The following SENP7 variants were observed in gnomAD, a reference collection of about 807,000 sequenced individuals.
SENP7 encodes the protein sentrin-specific protease 7.
In SENP7, 64 loss-of-function variants were observed where a neutral mutation model predicts 141.2. That is an observed-to-expected ratio of 0.45 (90% confidence interval 0.37 to 0.56). The LOEUF (loss-of-function observed/expected upper bound fraction) is 0.56. Ranked by LOEUF, SENP7 falls within the 20% of genes least tolerant of loss-of-function variation. The pLI is 0.00. For synonymous variants in SENP7, 382 were observed against 426.4 expected (o/e 0.90, Z 1.28); for missense variants, 1,025 against 1,212.2 (o/e 0.85, Z 2.29).
intron 3 of SENP7, among the ~76,000 whole-genome samples, chr3:101,466,622 C>A (rs1033667907): frequency 6.6e-6 from 1 of 152,070 alleles, no homozygotes; most frequent in African/African-American, 2.4e-5. Flanking sequence ...AAGAAACACA[C>A]AAAAGTATAA....
intron 6 of SENP7, among the ~76,000 whole-genome samples, chr3:101,391,955 G>A (rs558357225): frequency 1.3e-5 from 2 of 152,160 alleles, no homozygotes; most frequent in South Asian, 2.1e-4. Flanking sequence ...ATATTAGAAC[G>A]AAGGGCAAAA....
intron 4 of SENP7, among the ~76,000 whole-genome samples, chr3:101,434,031 G>A (rs765384699): frequency 6.6e-6 from 1 of 152,070 alleles, no homozygotes; most frequent in Non-Finnish European, 1.5e-5. Flanking sequence ...CCATATGTTA[G>A]GTCAATAAAC....
intron 6 of SENP7, among the ~76,000 whole-genome samples, chr3:101,381,222 T>C (rs1272505135): frequency 6.6e-6 from 1 of 152,236 alleles, no homozygotes; most frequent in Non-Finnish European, 1.5e-5. Flanking sequence ...AACATTATGT[T>C]TTTTAACTTA....
chr3:101,487,817 A>G (rs985203939), intron 3 of SENP7, among the ~76,000 whole-genome samples: 2 of 151,950 alleles, frequency 1.3e-5, no homozygotes, highest in Admixed American at 6.6e-5. Context: ...CCATTGCTCT[A>G]TGTGTCTGTT....
intron 3 of SENP7, among the ~76,000 whole-genome samples, chr3:101,470,494 C>T (rs1278251215): frequency 1.3e-5 from 2 of 152,114 alleles, no homozygotes; most frequent in African/African-American, 2.4e-5. Flanking sequence ...ATCAATGGAA[C>T]GTATCTCAAA....
At chr3:101,444,055 A>G (rs1440427499) in intron 4 of SENP7, among the ~76,000 whole-genome samples, 1 of 142,046 alleles carries the variant, frequency 7.0e-6, no homozygotes, top group Non-Finnish European at 1.5e-5. Flanking sequence ...GAAAAAAACA[A>G]ACAACCCCAT....
At chr3:101,449,952 T>C (rs1315187009) in intron 4 of SENP7, among the ~76,000 whole-genome samples, 1 of 152,174 alleles carries the variant, frequency 6.6e-6, no homozygotes, top group Non-Finnish European at 1.5e-5. Flanking sequence ...ATCAGTGTGC[T>C]ATATTCAGGA....
chr3:101,450,883 T>G (rs1394297972), intron 4 of SENP7, among the ~76,000 whole-genome samples: 1 of 151,746 alleles, frequency 6.6e-6, no homozygotes, highest in Non-Finnish European at 1.5e-5. Context: ...CTGAAGGAAA[T>G]AGAGACCCAA....
intron 11 of SENP7, chr3:101,358,030 C>A: frequency 3.3e-6 from 2 of 599,112 alleles, no homozygotes; most frequent in South Asian, 3.4e-5. Context: ...TTAAATGTGG[C>A]AAAGCCTTCA....
intron 3 of SENP7, among the ~76,000 whole-genome samples, chr3:101,473,107 G>C (rs527783773): frequency 6.6e-6 from 1 of 151,958 alleles, no homozygotes; most frequent in Non-Finnish European, 1.5e-5. Flanking sequence ...GTGTATATGT[G>C]CCACATTTTC....
chr3:101,346,302 A>G (rs1009415386), intron 13 of SENP7, among the ~76,000 whole-genome samples: 3 of 152,198 alleles, frequency 2.0e-5, no homozygotes, highest in Non-Finnish European at 1.5e-5. Flanking sequence ...ACACTTCTAC[A>G]CTGCTGGTGG....
chr3:101,354,969 T>C (rs1033712880), intron 11 of SENP7, among the ~76,000 whole-genome samples: 8 of 152,216 alleles, frequency 5.3e-5, no homozygotes, highest in African/African-American at 1.7e-4. Flanking sequence ...ATTTCTCTAA[T>C]GATCAGTGAT....
At chr3:101,362,141 AT>A (rs1411301383) in intron 10 of SENP7, among the ~76,000 whole-genome samples, 1 of 152,210 alleles carries the variant, frequency 6.6e-6, no homozygotes, top group Non-Finnish European at 1.5e-5. Flanking sequence ...ATGGTTTCAC[AT>A]TCAATAGTCT....
At chr3:101,390,565 T>C (rs1177457326) in intron 6 of SENP7, among the ~76,000 whole-genome samples, 1 of 152,146 alleles carries the variant, frequency 6.6e-6, no homozygotes, top group Non-Finnish European at 1.5e-5. Flanking sequence ...ATTCCAAATA[T>C]ACATGCACTT....
intron 5 of SENP7, among the ~76,000 whole-genome samples, chr3:101,404,872 A>T (rs1241137846): frequency 6.6e-6 from 1 of 152,210 alleles, no homozygotes; most frequent in African/African-American, 2.4e-5. Context: ...AACCACAATG[A>T]GACGCACAGT....
In SENP7 at chr3:101,364,822, G is replaced by A; in HGVS notation, c.1476+12C>T. 1 of 1,540,350 alleles carries A rather than the reference G, an allele frequency of 6.5e-7. No individual in the cohort carries two copies. The highest frequency in any genetic ancestry group is 8.8e-7 in the Non-Finnish European group (1 of 1,133,710). On this transcript the variant is annotated intron_variant, in intron 10 of 23. Transcript: ENST00000394095. ...TTCATTGTTAATCTATGAGAAGACAGAAATAAATTACCTGTACAGATTCAC... is the reference window on the plus strand; with the variant it reads ...TTCATTGTTAATCTATGAGAAGACAAAAATAAATTACCTGTACAGATTCAC...
intron 4 of SENP7, among the ~76,000 whole-genome samples, chr3:101,444,973 T>C (rs1450904068): frequency 1.3e-5 from 2 of 152,050 alleles, no homozygotes; most frequent in African/African-American, 2.4e-5. Context: ...CACATTAAGA[T>C]ACAGTAAACT....
At chr3:101,361,933 A>G (rs1278570726) in intron 10 of SENP7, 72 bp from the exon 11 acceptor site, 2 of 1,448,308 alleles carry the variant, frequency 1.4e-6, no homozygotes, top group East Asian at 2.6e-5. Flanking sequence ...GACTTTCACC[A>G]TCAAATTCTT....
At chr3:101,446,803 TA>T (rs2062914566) in intron 4 of SENP7, among the ~76,000 whole-genome samples, 2 of 152,026 alleles carry the variant, frequency 1.3e-5, no homozygotes, top group South Asian at 4.1e-4. Flanking sequence ...TAAATGCTTA[TA>T]TAAAAAGTGG....
Sources: allele counts gnomAD v4.1 joint callset (sites outside exome capture counted in the v4.1 genomes callset), GRCh38; gene constraint gnomAD v4.1.1; transcripts MANE v1.5; gene names NCBI Gene and HGNC (gene_info 2026-07-23, HGNC 2026-07-21).